GCN1: variants seen among roughly 807,000 people sequenced by gnomAD.
GCN1 encodes the protein GCN1 activator of EIF2AK4.
GCN1 carries 90 observed loss-of-function variants against 288.4 expected under a neutral mutation model. That is an observed-to-expected ratio of 0.31 (90% CI 0.26 to 0.37). The LOEUF (loss-of-function observed/expected upper bound fraction) is 0.37, where lower values mean the gene tolerates loss of function less well. GCN1 is among the 10% of genes least tolerant of loss of function. The probability of loss-of-function intolerance (pLI) is 1.00; values close to 1 mark genes in which losing one functional copy is unlikely to be tolerated. For missense variants in GCN1, 2,586 were observed against 3,419.9 expected, an observed-to-expected ratio of 0.76 and a Z score of 6.08; for synonymous variants, 1,386 against 1,420.2, an observed-to-expected ratio of 0.98 and a Z score of 0.54.
chr12:120,150,969 G>T (rs1159464567), intron 34 of GCN1, among the ~76,000 whole-genome samples, 176 bp downstream of exon 34: 4 of 151,968 alleles, frequency 2.6e-5, no homozygotes, highest in Non-Finnish European at 4.4e-5. Flanking sequence ...AAAAAAATTT[G>T]CAAGTCCAAG....
At chr12:120,173,958 C>A in intron 13 of GCN1, 113 bp downstream of exon 13, 1 of 1,032,666 alleles carries the variant, frequency 9.7e-7, no homozygotes, top group Non-Finnish European at 1.5e-6. Context: ...ACGAGCCTTG[C>A]TCTGAGGGAG....
Position 120,176,130 on chromosome 12 carries a change from C to G in GCN1, c.913+13G>C, listed in dbSNP as rs1165951819. 2 of 1,587,008 alleles carry G rather than the reference C, an allele frequency of 1.3e-6. No individual in the cohort carries two copies. The highest frequency in any genetic ancestry group is 1.7e-6 in the Non-Finnish European group (2 of 1,155,294). On this transcript the variant is annotated intron_variant, in intron 10 of 57. Coordinates refer to ENST00000300648, the MANE Select transcript of GCN1 (RefSeq NM_006836.2). ...GTGACACTTATGGGCTGGAGAGGGG[C>G]TGGGATACTCACCAGCCAGTCCTTT... is the stretch of plus-strand genomic sequence containing the variant.
chr12:120,155,983 T>A lies in GCN1; in HGVS notation c.3313-264A>T, dbSNP rs1018026045. Among the ~76,000 whole-genome samples, 1 of 152,150 alleles carries A rather than the reference T, an allele frequency of 6.6e-6. No homozygotes were observed. Among genetic ancestry groups the A allele is most frequent in the Non-Finnish European group, 1.5e-5 (1 of 68,016 alleles). ...AGCGTATTCCTTTTGTTCAAAAAAA[T>A]TTTAAGGAAAAATTTACTATATTGT... On this transcript the variant is annotated intron_variant, in intron 28 of 57. Coordinates refer to ENST00000300648, the MANE Select transcript of GCN1 (RefSeq NM_006836.2). This position sits in a 1 kb window ranked among gnomAD's most constrained non-coding sequence, Gnocchi z 4.9.
Position 120,160,000 on chromosome 12 carries a change from C to G in GCN1, c.2574G>C (p.Ala858=). 1 of 1,614,136 alleles carries G rather than the reference C, an allele frequency of 6.2e-7. No homozygotes were observed. Among genetic ancestry groups the G allele is most frequent in the East Asian group, 2.2e-5 (1 of 44,872 alleles). Residue 858 remains alanine, a synonymous_variant, in exon 24 of 58, where the codon GCG becomes GCC. Transcript: ENST00000300648. Reference sequence around the variant, plus strand: ...CCAGGATGATGTCCAGCAGTCCAAGCGCCGCCTCCAGCTCCCCATCCAGCT... The same window carrying G: ...CCAGGATGATGTCCAGCAGTCCAAGGGCCGCCTCCAGCTCCCCATCCAGCT... ...LQELDGELEA[A]LGLLDIILAK... is the part of the protein sequence containing the mutation.
intron 39 of GCN1, 35 bp from the exon 40 acceptor site, chr12:120,145,096 A>G (rs1478693303): frequency 6.2e-7 from 1 of 1,613,656 alleles, no homozygotes; most frequent in East Asian, 2.2e-5. Flanking sequence ...TGGTGTGAGA[A>G]GATGAGGCTC....
In GCN1 at chr12:120,160,015, C is replaced by A. The variant is rs1427721643; in HGVS notation, c.2559G>T (p.Gly853=). ...QVRRRLQELD[G]ELEAALGLLD... ...GCAGTCCAAGCGCCGCCTCCAGCTCCCCATCCAGCTGCAAGCAGAGTTGTC... is the reference window on the plus strand; with the variant it reads ...GCAGTCCAAGCGCCGCCTCCAGCTCACCATCCAGCTGCAAGCAGAGTTGTC... Residue 853 remains glycine, a synonymous_variant, in exon 24 of 58, where the codon GGG becomes GGT. Transcript: ENST00000300648. 1.9e-6 allele frequency: 3 copies of A among 1,614,060 alleles called. No homozygotes were observed. Among genetic ancestry groups the A allele is most frequent in the African/African-American group, 1.3e-5 (1 of 75,046 alleles).
rs1237685194 is a variant in GCN1, at chr12:120,144,338, C to T, written c.5463G>A (p.Glu1821=). 3.1e-6 allele frequency: 5 copies of T among 1,614,128 alleles called. No homozygotes were observed. The African/African-American group carries it at 4.0e-5, about 13-fold the overall frequency. Reference sequence around the variant, plus strand: ...TCCAAAGGTCATCAAAGAGGCCTTGCTCTAGCTGGGGCAGCAGCAGGGCGA... The same window carrying T: ...TCCAAAGGTCATCAAAGAGGCCTTGTTCTAGCTGGGGCAGCAGCAGGGCGA... ...TAIALLLPQL[E]QGLFDDLWRI... Residue 1821 remains glutamate, a synonymous_variant, in exon 42 of 58, where the codon GAG becomes GAA. Transcript: ENST00000300648. The surrounding 1 kb of genome is among the most constrained non-coding windows in gnomAD (Gnocchi z 4.7).
rs1182122260 is a variant in GCN1, at chr12:120,136,489, A to G, written c.7008+13T>C. 1.3e-6 allele frequency: 2 copies of G among 1,594,432 alleles called. No individual in the cohort carries two copies. Among genetic ancestry groups the G allele is most frequent in the Non-Finnish European group, 1.7e-6 (2 of 1,162,158 alleles). On this transcript the variant is annotated intron_variant, in intron 51 of 57. Transcript: ENST00000300648. ...TGTTCTCTAAGATCTGAACAAACTC[A>G]TCAGCCACTCACCTTAGCCAACAAG...
intron 38 of GCN1, among the ~76,000 whole-genome samples, chr12:120,146,140 G>A (rs1347967831): frequency 4.6e-5 from 7 of 151,554 alleles, no homozygotes; most frequent in Admixed American, 6.6e-5. Flanking sequence ...GGTGGTGGGC[G>A]GCTGTAATCC....
Position 120,153,202 on chromosome 12 carries a change from A to C in GCN1, c.4062+11T>G. On this transcript the variant is annotated intron_variant, in intron 33 of 57. Transcript: ENST00000300648. The surrounding 1 kb of genome is among the most constrained non-coding windows in gnomAD (Gnocchi z 4.4). Reference sequence around the variant, plus strand: ...AACCGACATGTGGGTCCCAGGCCAGATGGCAGGTACCTGCTGGGAGGGGGT... The same window carrying C: ...AACCGACATGTGGGTCCCAGGCCAGCTGGCAGGTACCTGCTGGGAGGGGGT... 6.2e-7 allele frequency: 1 copy of C among 1,612,356 alleles called. No individual in the cohort carries two copies. The highest frequency in any genetic ancestry group is 8.5e-7 in the Non-Finnish European group (1 of 1,178,550).
chr12:120,152,910 A>G (rs1169430351), intron 33 of GCN1, among the ~76,000 whole-genome samples: 2 of 151,980 alleles, frequency 1.3e-5, no homozygotes, highest in Non-Finnish European at 2.9e-5. Flanking sequence ...TAGGAGGTCT[A>G]TTAGAACAAA....
rs945894605 is a variant in GCN1 at position 120,139,766 on chromosome 12, T to C, written c.5995-910A>G. On this transcript the variant is annotated intron_variant, in intron 45 of 57. Transcript: ENST00000300648. Reference sequence around the variant, plus strand: ...TCTAAGAACTGCAAACTCCTTCCCATGGCATCTGGCCCCCTCTCTCCCTGG... The same window carrying C: ...TCTAAGAACTGCAAACTCCTTCCCACGGCATCTGGCCCCCTCTCTCCCTGG... Among the ~76,000 whole-genome samples, 9 of 152,220 alleles carry C rather than the reference T, an allele frequency of 5.9e-5. No homozygotes were observed. In the East Asian group the frequency reaches 1.7e-3, roughly 29 times the overall value.
chr12:120,134,633 CG>C lies in GCN1; in HGVS notation c.7101del (p.Ala2368GlnfsTer41), dbSNP rs1566297454. 6.2e-7 allele frequency: 1 copy of C among 1,613,936 alleles called. No individual in the cohort carries two copies. Among genetic ancestry groups the C allele is most frequent in the Non-Finnish European group, 8.5e-7 (1 of 1,179,880 alleles). ...GAAATGAGCTTCCCCAGAGCATCTG[CG>C]GCCTTCAGGCGCACCCCCCGGTTGG... The part of the protein sequence containing the change: ...QDSNRGVRLK[A>X]ADALGKLISI... On this transcript the variant is annotated frameshift_variant, in exon 52 of 58. Transcript: ENST00000300648. LOFTEE classifies it high-confidence loss of function. This position sits in a 1 kb window ranked among gnomAD's most constrained non-coding sequence, Gnocchi z 5.0.
chr12:120,151,173 T>C lies in GCN1; in HGVS notation c.4281A>G (p.Gln1427=). 6.2e-7 allele frequency: 1 copy of C among 1,613,930 alleles called. No homozygotes were observed. The highest frequency in any genetic ancestry group is 8.5e-7 in the Non-Finnish European group (1 of 1,180,012). Reference sequence around the variant, plus strand: ...CTCGCCGGCGGAAGTTCTTCTTATCTTGGATGGCATCAGTCAGTGCCGCCA... The same window carrying C: ...CTCGCCGGCGGAAGTTCTTCTTATCCTGGATGGCATCAGTCAGTGCCGCCA... ...EMMAALTDAI[Q]DKKNFRRREG... is the part of the protein sequence containing the mutation. Residue 1427 remains glutamine (Q), a synonymous_variant, in exon 34 of 58, where the codon CAA becomes CAG. Transcript: ENST00000300648.
chr12:120,165,533 T>C (rs1161199490), intron 16 of GCN1, among the ~76,000 whole-genome samples: 1 of 151,916 alleles, frequency 6.6e-6, no homozygotes, highest in Non-Finnish European at 1.5e-5. Context: ...AGTGGTGCAG[T>C]CTTGGCTCAC....
chr12:120,159,678 T>G (rs1877865307), intron 24 of GCN1, 147 bp downstream of exon 24: 1 of 681,270 alleles, frequency 1.5e-6, no homozygotes, highest in Admixed American at 2.4e-5. Context: ...ATATCCAGCT[T>G]GAGTCTCCAA....
intron 16 of GCN1, among the ~76,000 whole-genome samples, chr12:120,167,529 G>A (rs939037045): frequency 3.3e-5 from 5 of 152,050 alleles, no homozygotes; most frequent in African/African-American, 1.2e-4. Context: ...GGCTACAGAA[G>A]AAGCTAATAA....
intron 1 of GCN1, among the ~76,000 whole-genome samples, chr12:120,191,668 C>G (rs1879008416): frequency 1.3e-5 from 2 of 152,198 alleles, no homozygotes; most frequent in Admixed American, 1.3e-4. Flanking sequence ...AAACTGTCTT[C>G]TACATAAATA....
rs918775104 is a variant in GCN1 at position 120,161,483 on chromosome 12, T to G, written c.2436+7A>C. The G allele has an allele frequency of 2.5e-6, 4 of 1,601,256 alleles. No homozygotes were observed. In the Admixed American group the frequency reaches 5.0e-5, roughly 20 times the overall value. On this transcript the variant is annotated splice_region_variant and intron_variant, in intron 22 of 57. Coordinates refer to ENST00000300648, the MANE Select transcript of GCN1 (RefSeq NM_006836.2). ...GCCACCTTCCGTAAGTGCCTCCGTG[T>G]ACTCACCTCCTTCAGCTCCAGCTCG...
Sources: gnomAD v4.1 joint callset for allele counts (sites outside exome capture counted in the v4.1 genomes callset) on GRCh38, gnomAD v4.1.1 for gene constraint, Gnocchi (gnomAD v3.1) non-coding constraint, MANE v1.5 for transcripts, NCBI Gene and HGNC (gene_info 2026-07-23, HGNC 2026-07-21) for gene names.